Variants in TMEFF1 observed in about 807,000 individuals in gnomAD.
The protein encoded by TMEFF1 is transmembrane protein with EGF like and two follistatin like domains 1.
A neutral mutation model predicts 47.5 loss-of-function variants in TMEFF1; 20 were observed. That is an observed-to-expected ratio of 0.42 (90% CI 0.30 to 0.61). TMEFF1 has a LOEUF of 0.61. TMEFF1 is among the 20% of genes least tolerant of loss of function. The probability of loss-of-function intolerance (pLI) is 0.19; values close to 1 mark genes in which losing one functional copy is unlikely to be tolerated. For missense variants in TMEFF1, 411 were observed against 471.1 expected (o/e 0.87, Z 1.18); for synonymous variants, 162 against 166.3 (o/e 0.97, Z 0.20).
intron 5 of TMEFF1, among the ~76,000 whole-genome samples, chr9:100,525,907 G>GTC (rs145352338): frequency 0.14 from 21,218 of 152,068 alleles, 1,616 homozygotes; most frequent in Middle Eastern, 0.2. Context: ...AAATTCCTTT[G>GTC]TCTCTCTCTC....
At chr9:100,530,986 C>G (rs914268169) in intron 5 of TMEFF1, among the ~76,000 whole-genome samples, 1 of 151,526 alleles carries the variant, frequency 6.6e-6, no homozygotes, top group Non-Finnish European at 1.5e-5. Flanking sequence ...AGACAAAAAC[C>G]ACATGATTAT....
chr9:100,546,425 T>G (rs1838732975), intron 5 of TMEFF1, among the ~76,000 whole-genome samples: 2 of 149,014 alleles, frequency 1.3e-5, no homozygotes, highest in Admixed American at 6.6e-5. Flanking sequence ...CCCCCATAAT[T>G]CAATCCCCCC....
At chr9:100,523,317 C>T (rs1052961209) in intron 5 of TMEFF1, among the ~76,000 whole-genome samples, 1 of 152,192 alleles carries the variant, frequency 6.6e-6, no homozygotes, top group Non-Finnish European at 1.5e-5. Flanking sequence ...CGTTCTCCCA[C>T]AGTTCCTATG....
At chr9:100,503,082 C>G (rs1241782382) in intron 2 of TMEFF1, among the ~76,000 whole-genome samples, 1 of 152,174 alleles carries the variant, frequency 6.6e-6, no homozygotes, top group African/African-American at 2.4e-5. Flanking sequence ...AATGACCTGA[C>G]ATGCCCATTA....
intron 5 of TMEFF1, among the ~76,000 whole-genome samples, chr9:100,527,407 G>T (rs1264442593): frequency 6.6e-6 from 1 of 152,224 alleles, no homozygotes; most frequent in African/African-American, 2.4e-5. Context: ...CCGAAGCAGG[G>T]CGAGGCATTG....
At chr9:100,526,852 T>C (rs1260738736) in intron 5 of TMEFF1, among the ~76,000 whole-genome samples, 1 of 147,896 alleles carries the variant, frequency 6.8e-6, no homozygotes, top group Non-Finnish European at 1.5e-5. Context: ...ATGGTGCACA[T>C]GCCTGTCAAT....
rs768362573 is a variant in TMEFF1, at chr9:100,509,091, C to A, written c.393C>A (p.His131Gln). Residue 131 changes from histidine to glutamine, a missense_variant, in exon 3 of 10, where the codon CAC (histidine) becomes CAA (glutamine). His to Gln is a conservative substitution (Grantham distance 24). Coordinates refer to ENST00000374879, the MANE Select transcript of TMEFF1 (RefSeq NM_003692.5). ...TTCTCAGAAGGGCTGCTTGTAAGCACCAGAAAGAGATAACAGTAATAGCAA... is the reference window on the plus strand; with the variant it reads ...TTCTCAGAAGGGCTGCTTGTAAGCAACAGAAAGAGATAACAGTAATAGCAA... ...ECFLRRAACK[H>Q]QKEITVIARG... is the part of the protein sequence containing the mutation. 3.8e-5 allele frequency: 60 copies of A among 1,597,550 alleles called. No individual in the cohort carries two copies. The South Asian group carries it at 6.6e-4, about 18-fold the overall frequency.
intron 5 of TMEFF1, among the ~76,000 whole-genome samples, chr9:100,527,777 C>T (rs1342627438): frequency 1.3e-5 from 2 of 152,208 alleles, no homozygotes; most frequent in African/African-American, 2.4e-5. Flanking sequence ...TAGGCTCCAC[C>T]TCTGGGGGCA....
intron 7 of TMEFF1, among the ~76,000 whole-genome samples, chr9:100,560,521 A>G (rs1186830217): frequency 2.0e-5 from 3 of 152,052 alleles, no homozygotes; most frequent in African/African-American, 7.2e-5. Context: ...TCCATTCCCA[A>G]ATTTATTTGT....
chr9:100,514,690 CAAAA>C lies in TMEFF1; in HGVS notation c.463+1371_463+1374del, dbSNP rs10549105. On this transcript the variant is annotated intron_variant, in intron 4 of 9. Coordinates refer to ENST00000374879, the MANE Select transcript of TMEFF1 (RefSeq NM_003692.5). ...ACATAGTGAGACCCTGTCTCTACCCCAAAAAAAAAAAAAAAAACAAAAGGCCGGG... is the reference window on the plus strand; with the variant it reads ...ACATAGTGAGACCCTGTCTCTACCCCAAAAAAAAAAAAACAAAAGGCCGGG... Among the ~76,000 whole-genome samples, 820 of 101,634 alleles carry C rather than the reference CAAAA, an allele frequency of 8.1e-3. 5 individuals carry two copies. Among genetic ancestry groups the C allele is most frequent in the African/African-American group, 0.025 (731 of 29,154 alleles). 66.7% of individuals were successfully genotyped at this position (101,634 alleles called of 152,430 possible).
At chr9:100,548,344 T>C (rs1034038275) in intron 6 of TMEFF1, among the ~76,000 whole-genome samples, 2 of 152,244 alleles carry the variant, frequency 1.3e-5, no homozygotes, top group East Asian at 1.9e-4. Context: ...TTATGTATGA[T>C]ACAGATTTTG....
intron 1 of TMEFF1, among the ~76,000 whole-genome samples, chr9:100,493,316 G>A (rs112722677): frequency 1.3e-4 from 20 of 152,256 alleles, no homozygotes; most frequent in African/African-American, 4.3e-4. Context: ...TTGGCTCTCC[G>A]TGAGTGTTAG....
At chr9:100,558,496 AT>A (rs1838958344) in intron 7 of TMEFF1, among the ~76,000 whole-genome samples, 1 of 151,510 alleles carries the variant, frequency 6.6e-6, no homozygotes, top group African/African-American at 2.4e-5. Flanking sequence ...CTGATAAACT[AT>A]TTCTCATCAA....
chr9:100,494,720 A>C (rs1460602714), intron 1 of TMEFF1, among the ~76,000 whole-genome samples: 1 of 152,208 alleles, frequency 6.6e-6, no homozygotes, highest in Admixed American at 6.5e-5. Context: ...TCCCTGAACA[A>C]AATTGGAGTT....
chr9:100,485,257 A>G (rs1277594399), intron 1 of TMEFF1, among the ~76,000 whole-genome samples: 1 of 152,190 alleles, frequency 6.6e-6, no homozygotes, highest in Non-Finnish European at 1.5e-5. Flanking sequence ...TAATGCCACC[A>G]TGGATATTCA....
intron 4 of TMEFF1, among the ~76,000 whole-genome samples, chr9:100,515,766 C>A (rs539822616): frequency 8.6e-5 from 13 of 151,828 alleles, no homozygotes; most frequent in African/African-American, 2.9e-4. Context: ...GCTGAGATTG[C>A]GCCACTGCAT....
chr9:100,557,470 A>G (rs1476359953), intron 7 of TMEFF1, among the ~76,000 whole-genome samples: 2 of 152,184 alleles, frequency 1.3e-5, no homozygotes, highest in East Asian at 3.9e-4. Context: ...TACTTTTCCA[A>G]CTTTGACATA....
rs1376684455 is a variant in TMEFF1 at position 100,564,653 on chromosome 9, T to C, written c.899+3133T>C. Among the ~76,000 whole-genome samples the C allele has an allele frequency of 4.6e-5, 7 of 152,246 alleles. No individual in the cohort carries two copies. The South Asian group carries it at 1.0e-3, about 23-fold the overall frequency. ...GGAAGGGTCAGGTCTTACAGGAACATTTGGGCCATCCCAGGAGCTTGGCTT... is the reference window on the plus strand; with the variant it reads ...GGAAGGGTCAGGTCTTACAGGAACACTTGGGCCATCCCAGGAGCTTGGCTT... On this transcript the variant is annotated intron_variant, in intron 8 of 9. Coordinates refer to ENST00000374879, the MANE Select transcript of TMEFF1 (RefSeq NM_003692.5).
At chr9:100,521,712 G>T (rs1838163969) in intron 5 of TMEFF1, among the ~76,000 whole-genome samples, 1 of 152,204 alleles carries the variant, frequency 6.6e-6, no homozygotes, top group African/African-American at 2.4e-5. Flanking sequence ...CAGGAATGGT[G>T]TGAGGAGTCT....
Sources: allele counts gnomAD v4.1 joint callset (sites outside exome capture counted in the v4.1 genomes callset), GRCh38; gene constraint gnomAD v4.1.1; transcripts MANE v1.5; gene names NCBI Gene and HGNC (gene_info 2026-07-23, HGNC 2026-07-21).